Variants in KLHL26 observed in about 807,000 individuals in gnomAD.
KLHL26 encodes kelch-like protein 26.
In KLHL26, 4 loss-of-function variants were observed where a neutral mutation model predicts 7.1. The observed-to-expected ratio is 0.56, with a 90% CI of 0.28 to 1.28. The LOEUF is 1.28. KLHL26 is among the 50% of genes most tolerant of loss of function. The probability of loss-of-function intolerance (pLI) is 0.11; values close to 1 mark genes in which losing one functional copy is unlikely to be tolerated. For synonymous variants in KLHL26, 465 were observed against 414.1 expected (o/e 1.12, Z -1.49); for missense variants, 896 against 924.6 (o/e 0.97, Z 0.40).
intron 1 of KLHL26, among the ~76,000 whole-genome samples, chr19:18,654,618 C>T (rs774100282): frequency 5.3e-5 from 8 of 151,554 alleles, no homozygotes; most frequent in Non-Finnish European, 8.8e-5. Flanking sequence ...TCCGTTCATC[C>T]ACCCATCCAT....
chr19:18,668,664 C>G lies in KLHL26; in HGVS notation c.1267C>G (p.Arg423Gly). The change falls in exon 3 of 3, where the codon CGA becomes GGA. Residue 423 changes from arginine to glycine, a missense_variant. Transcript: ENST00000300976. ...GGTGTACGCCACGGGCGGCCGCAAC[C>G]GAGCCGGCAGCCTGGCCTCCGTGGA... is the stretch of plus-strand genomic sequence containing the variant. The part of the protein sequence containing the change: ...GMVYATGGRN[R>G]AGSLASVERY... 1 of 1,567,552 alleles carries G rather than the reference C, an allele frequency of 6.4e-7. No individual in the cohort carries two copies. The highest frequency in any genetic ancestry group is 8.6e-7 in the Non-Finnish European group (1 of 1,161,266).
intron 1 of KLHL26, among the ~76,000 whole-genome samples, chr19:18,652,004 C>A (rs958661956): frequency 6.6e-6 from 1 of 152,164 alleles, no homozygotes; most frequent in Non-Finnish European, 1.5e-5. Context: ...GGGGACCCAG[C>A]TGGGCCATGA....
intron 1 of KLHL26, among the ~76,000 whole-genome samples, chr19:18,658,949 G>A (rs1315902595): frequency 6.9e-6 from 1 of 144,742 alleles, no homozygotes; most frequent in East Asian, 2.1e-4. Context: ...CTCTCTCTGG[G>A]TGCCTGTCTC....
In KLHL26 at chr19:18,669,092, G is replaced by GCACA; in HGVS notation, c.1695_1696insCACA (p.Gly566HisfsTer62). The GCACA allele has an allele frequency of 6.2e-7, 1 of 1,612,940 alleles. No homozygotes were observed. Among genetic ancestry groups the GCACA allele is most frequent in the Non-Finnish European group, 8.5e-7 (1 of 1,179,962 alleles). Reference sequence around the variant, plus strand: ...TGGAGAGGAAGATCTACATCGTCGGGGGCTACAACTGGCGTCTCAACAACG... The same window carrying GCACA: ...TGGAGAGGAAGATCTACATCGTCGGGCACAGGCTACAACTGGCGTCTCAACAACG... On this transcript the variant is annotated frameshift_variant, in exon 3 of 3. Coordinates refer to ENST00000300976, the MANE Select transcript of KLHL26 (RefSeq NM_018316.3). LOFTEE classifies it high-confidence loss of function.
rs772486491 is a variant in KLHL26 at position 18,667,692 on chromosome 19, G to T, written c.295G>T (p.Ala99Ser). 1 of 1,612,394 alleles carries T rather than the reference G, an allele frequency of 6.2e-7. No individual in the cohort carries two copies. Residue 99 changes from alanine (A) to serine (S), a missense_variant, in exon 3 of 3, where the codon GCA (alanine) becomes TCA (serine). Transcript: ENST00000300976. Reference sequence around the variant, plus strand: ...CATGTTCACCGGCGGCATGCGGGAGGCAAGCCAGGACGTCATCGAGCTGAA... The same window carrying T: ...CATGTTCACCGGCGGCATGCGGGAGTCAAGCCAGGACGTCATCGAGCTGAA... Reference protein sequence around the residue: ...RAMFTGGMREASQDVIELKGV... With the variant: ...RAMFTGGMRESSQDVIELKGV...
intron 1 of KLHL26, among the ~76,000 whole-genome samples, chr19:18,637,433 G>C (rs1600676791): frequency 6.6e-6 from 1 of 152,214 alleles, no homozygotes. Context: ...GGTGGGCCGT[G>C]GGGCAACTGG....
intron 1 of KLHL26, among the ~76,000 whole-genome samples, chr19:18,637,907 C>A (rs1480406180): frequency 6.6e-6 from 1 of 152,174 alleles, no homozygotes; most frequent in Non-Finnish European, 1.5e-5. Context: ...GAGGGAGGCC[C>A]CCTTTCCCCA....
intron 1 of KLHL26, chr19:18,659,690 C>G (rs1039531435): frequency 4.6e-5 from 7 of 152,086 alleles, no homozygotes; most frequent in Non-Finnish European, 1.0e-4. Context: ...TGAAAAGAAC[C>G]GTTCTGGGGC....
chr19:18,668,033 C>T lies in KLHL26; in HGVS notation c.636C>T (p.Phe212=), dbSNP rs561328776. The T allele has an allele frequency of 8.3e-5, 134 of 1,608,940 alleles. No homozygotes were observed. In the South Asian group the frequency reaches 1.4e-3, roughly 17 times the overall value. The change falls in exon 3 of 3, where the codon TTC becomes TTT. Residue 212 remains phenylalanine, a synonymous_variant. Coordinates refer to ENST00000300976, the MANE Select transcript of KLHL26 (RefSeq NM_018316.3). ...TGCCACTGGAGCGCCTGGTCTTCTTCCTGCAGAGCAACCGGCTGCAGAGCT... is the reference window on the plus strand; with the variant it reads ...TGCCACTGGAGCGCCTGGTCTTCTTTCTGCAGAGCAACCGGCTGCAGAGCT... ...LRLPLERLVF[F]LQSNRLQSCA... is the part of the protein sequence containing the mutation.
At chr19:18,653,184 A>C (rs1015627812) in intron 1 of KLHL26, among the ~76,000 whole-genome samples, 2 of 152,034 alleles carry the variant, frequency 1.3e-5, no homozygotes, top group Admixed American at 6.5e-5. Flanking sequence ...AGAGCAAGAC[A>C]GGGGCTCTTC....
intron 1 of KLHL26, chr19:18,659,713 C>T (rs1011451172): frequency 6.6e-6 from 1 of 152,024 alleles, no homozygotes; most frequent in African/African-American, 2.4e-5. Context: ...TGGATCGCTT[C>T]TCATGGGTTG....
At chr19:18,663,835 C>T (rs2052416155) in intron 1 of KLHL26, among the ~76,000 whole-genome samples, 1 of 131,912 alleles carries the variant, frequency 7.6e-6, no homozygotes, top group South Asian at 2.4e-4. Flanking sequence ...CTCGTATACT[C>T]TGGGGTGCAG....
rs1976845648 is a variant in KLHL26, at chr19:18,648,523, T to C, written c.83+11386T>C. Among the ~76,000 whole-genome samples the C allele has an allele frequency of 6.6e-6, 1 of 152,158 alleles. No individual in the cohort carries two copies. Among genetic ancestry groups the C allele is most frequent in the Non-Finnish European group, 1.5e-5 (1 of 68,024 alleles). On this transcript the variant is annotated intron_variant, in intron 1 of 2. Transcript: ENST00000300976. The surrounding 1 kb of genome is among the most constrained non-coding windows in gnomAD (Gnocchi z 4.9). ...CACCGGGCAGGCTGAAGGTCAGGGTTGTCCTTGGTCCCGCGCGGCTGCACT... is the reference window on the plus strand; with the variant it reads ...CACCGGGCAGGCTGAAGGTCAGGGTCGTCCTTGGTCCCGCGCGGCTGCACT...
At chr19:18,643,669 G>T (rs1476110553) in intron 1 of KLHL26, among the ~76,000 whole-genome samples, 1 of 151,734 alleles carries the variant, frequency 6.6e-6, no homozygotes, top group Non-Finnish European at 1.5e-5. Flanking sequence ...GTAGAGATGC[G>T]GTTTCTCCAT....
chr19:18,668,207 C>T lies in KLHL26; in HGVS notation c.810C>T (p.Ile270=). 6.2e-7 allele frequency: 1 copy of T among 1,611,820 alleles called. No individual in the cohort carries two copies. Among genetic ancestry groups the T allele is most frequent in the Non-Finnish European group, 8.5e-7 (1 of 1,179,878 alleles). ...TGGACAGCGTGCAGACGCTGGACAT[C>T]ATGGTGGAGGACGTGCTGTGCCGCC... ...ELVDSVQTLD[I]MVEDVLCRQY... is the part of the protein sequence containing the mutation. The change falls in exon 3 of 3, where the codon ATC becomes ATT. Residue 270 remains isoleucine, a synonymous_variant. Coordinates refer to ENST00000300976, the MANE Select transcript of KLHL26 (RefSeq NM_018316.3).
chr19:18,662,088 T>C (rs1215949530), intron 1 of KLHL26, among the ~76,000 whole-genome samples: 1 of 152,116 alleles, frequency 6.6e-6, no homozygotes, highest in Non-Finnish European at 1.5e-5. Context: ...TGGAAGAGCA[T>C]GGTAAATATG....
chr19:18,654,183 CCACCCATCCATCTGCCCTTCTGTCTGT>C (rs1331305930), intron 1 of KLHL26, among the ~76,000 whole-genome samples: 3 of 126,772 alleles, frequency 2.4e-5, no homozygotes, highest in African/African-American at 3.1e-5. Context: ...ACCTACCCAC[CCACCCATCCATCTGCCCTTCTGTCTGT>C]CACCCATCCA....
Position 18,668,477 on chromosome 19 carries a change from C to T in KLHL26, c.1080C>T (p.Asp360=), listed in dbSNP as rs1448650781. ...GCSHTCVAVL[D]NFVYVAGGQH... Reference sequence around the variant, plus strand: ...GCCACACGTGCGTGGCCGTGCTGGACAATTTTGTGTACGTGGCCGGGGGGC... The same window carrying T: ...GCCACACGTGCGTGGCCGTGCTGGATAATTTTGTGTACGTGGCCGGGGGGC... The change falls in exon 3 of 3, where the codon GAC becomes GAT. Residue 360 remains aspartate, a synonymous_variant. Coordinates refer to ENST00000300976, the MANE Select transcript of KLHL26 (RefSeq NM_018316.3). The T allele has an allele frequency of 4.3e-6, 7 of 1,609,496 alleles. No individual in the cohort carries two copies. The highest frequency in any genetic ancestry group is 2.2e-5 in the East Asian group (1 of 44,850).
intron 1 of KLHL26, among the ~76,000 whole-genome samples, chr19:18,660,276 CG>C (rs1379743512): frequency 6.6e-6 from 1 of 152,202 alleles, no homozygotes. Flanking sequence ...CAGCGGCAAG[CG>C]GGTGTCAGAA....
Sources: gnomAD v4.1 joint callset for allele counts (sites outside exome capture counted in the v4.1 genomes callset) on GRCh38, gnomAD v4.1.1 for gene constraint, Gnocchi (gnomAD v3.1) non-coding constraint, MANE v1.5 for transcripts, NCBI Gene and HGNC (gene_info 2026-07-23, HGNC 2026-07-21) for gene names.